The following HYAL3 variants were observed in gnomAD, a reference collection of about 807,000 sequenced individuals.
HYAL3 encodes hyaluronidase 3, also known as hyaluronidase-3.
HYAL3 carries 25 observed loss-of-function variants against 29.6 expected under a neutral mutation model. The ratio of observed to expected loss-of-function variants is 0.85; its 90% CI spans 0.62 to 1.18. The LOEUF is 1.18. HYAL3 is among the 50% of genes most tolerant of loss of function. The probability of loss-of-function intolerance (pLI) is 0.00; values close to 1 mark genes in which losing one functional copy is unlikely to be tolerated. For missense variants in HYAL3, 442 were observed against 548.4 expected (o/e 0.81, Z 1.94); for synonymous variants, 215 against 218.3 (o/e 0.99, Z 0.13).
chr3:50,296,888 C>T (rs1391162709), intron 1 of HYAL3: 2 of 1,607,130 alleles, frequency 1.2e-6, no homozygotes, highest in African/African-American at 1.3e-5. Flanking sequence ...CCTGCACAGG[C>T]TCACCCAGCT....
rs879982140 is a variant in HYAL3, at chr3:50,292,971, G to A, written c.*275C>T. ...TCTCCATGGGCTTAGTGAGGTGTAG[G>A]CACAAAGCCCTAGGCTGGCAGCCCT... On this transcript the variant is annotated 3_prime_UTR_variant, in exon 4 of 4. Transcript: ENST00000336307. 1.9e-6 allele frequency: 3 copies of A among 1,547,970 alleles called. No homozygotes were observed. The highest frequency in any genetic ancestry group is 2.6e-6 in the Non-Finnish European group (3 of 1,147,162).
Position 50,292,939 on chromosome 3 carries a change from T to G in HYAL3, c.*307A>C. 6.5e-7 allele frequency: 1 copy of G among 1,527,070 alleles called. No homozygotes were observed. The highest frequency in any genetic ancestry group is 1.1e-5 in the South Asian group (1 of 89,632). The allele number at this position is 1,527,070 out of a possible 1,614,324, so 94.6% of individuals were successfully genotyped here. The stretch of plus-strand genomic sequence containing the variant: ...CCCATCTGCCCGTGCACGGCCCATC[T>G]GTGACCTCTCCATGGGCTTAGTGAG... On this transcript the variant is annotated 3_prime_UTR_variant, in exon 4 of 4. Coordinates refer to ENST00000336307, the MANE Select transcript of HYAL3 (RefSeq NM_003549.4).
rs1453845539 is a variant in HYAL3, at chr3:50,295,716, C to T, written c.-17-97G>A. 7 of 1,074,048 alleles carry T rather than the reference C, an allele frequency of 6.5e-6. No individual in the cohort carries two copies. In the African/African-American group the frequency reaches 9.5e-5, roughly 15 times the overall value. The allele number at this position is 1,074,048 out of a possible 1,614,324, so 66.5% of individuals were successfully genotyped here. A position where few individuals can be genotyped will look rare whatever the true frequency, so the allele number is the denominator to read the frequency against. The stretch of plus-strand genomic sequence containing the variant: ...CAGGAAAGCTCCCCCAGCTCCTCCC[C>T]ATCCTTACAGGAGGAGCTGGGGAAA... On this transcript the variant is annotated intron_variant, in intron 1 of 3. Transcript: ENST00000336307.
chr3:50,298,873 C>T (rs1434525195), intron 1 of HYAL3: 4 of 1,300,020 alleles, frequency 3.1e-6, no homozygotes, highest in Non-Finnish European at 3.9e-6. Context: ...AGGGAGGAAG[C>T]CCCAGGATCC....
chr3:50,295,416 G>A lies in HYAL3; in HGVS notation c.187C>T (p.Gln63Ter), dbSNP rs1677252916. 1 of 1,614,198 alleles carries A rather than the reference G, an allele frequency of 6.2e-7. No homozygotes were observed. Among genetic ancestry groups the A allele is most frequent in the Non-Finnish European group, 8.5e-7 (1 of 1,180,022 alleles). Residue 63 changes from glutamine to a stop codon, truncating the protein, a stop_gained, in exon 2 of 4, where the codon CAG becomes TAG. Coordinates refer to ENST00000336307, the MANE Select transcript of HYAL3 (RefSeq NM_003549.4). LOFTEE classifies it high-confidence loss of function. ...NALGIIANRG[Q>*]HFHGQNMTIF... is the part of the protein sequence containing the mutation. The stretch of plus-strand genomic sequence containing the variant: ...GTCATGTTCTGACCGTGAAAATGCT[G>A]GCCACGGTTGGCTATGATGCCCAGA...
intron 1 of HYAL3, among the ~76,000 whole-genome samples, chr3:50,298,496 G>A (rs587667883): frequency 1.3e-5 from 2 of 151,132 alleles, no homozygotes; most frequent in South Asian, 2.1e-4. Flanking sequence ...CTTGAGTTTC[G>A]CAGGCACCCT....
chr3:50,293,831 T>G, intron 2 of HYAL3, 110 bp from the exon 3 acceptor site: 18 of 962,082 alleles, frequency 1.9e-5, no homozygotes, highest in Non-Finnish European at 2.8e-5. Context: ...ATTCTAACTC[T>G]ACAGTAGGGA....
intron 1 of HYAL3, chr3:50,296,497 C>G: frequency 1.5e-6 from 2 of 1,335,902 alleles, no homozygotes; most frequent in Non-Finnish European, 2.1e-6. Context: ...CAGGTTAAAG[C>G]TGCCCCCCAG....
At chr3:50,296,109 C>G (rs1262999599) in intron 1 of HYAL3, among the ~76,000 whole-genome samples, 2 of 152,208 alleles carry the variant, frequency 1.3e-5, no homozygotes, top group Non-Finnish European at 2.9e-5. Context: ...CTGTACCTCC[C>G]CTGTGCCACA....
chr3:50,296,357 T>G, intron 1 of HYAL3: 1 of 523,716 alleles, frequency 1.9e-6, no homozygotes, highest in South Asian at 2.6e-5. Flanking sequence ...GCAGAAGAGG[T>G]GAGAGGTGAG....
chr3:50,296,679 G>A (rs1553711208), intron 1 of HYAL3: 7 of 1,613,848 alleles, frequency 4.3e-6, no homozygotes, highest in Non-Finnish European at 5.9e-6. Context: ...GCTTTTTGAA[G>A]GGGGCCCTGA....
rs781944421 is a variant in HYAL3 at position 50,293,200 on chromosome 3, A to G, written c.*46T>C. On this transcript the variant is annotated 3_prime_UTR_variant, in exon 4 of 4. Transcript: ENST00000336307. ...GGGACAGAGTAGTTCCAGGACTGGA[A>G]AAGTGGCAGCAGGGAAAAGAAGAGG... is the stretch of plus-strand genomic sequence containing the variant. 9 of 1,612,322 alleles carry G rather than the reference A, an allele frequency of 5.6e-6. No homozygotes were observed. In the Admixed American group the frequency reaches 6.7e-5, roughly 12 times the overall value.
rs782607927 is a variant in HYAL3, at chr3:50,295,492, T to C, written c.111A>G (p.Val37=). The C allele has an allele frequency of 1.2e-6, 2 of 1,610,378 alleles. No homozygotes were observed. The highest frequency in any genetic ancestry group is 2.2e-5 in the South Asian group (2 of 90,946). The change falls in exon 2 of 4, where the codon GTA becomes GTG. Residue 37 remains valine (V), a synonymous_variant. Coordinates refer to ENST00000336307, the MANE Select transcript of HYAL3 (RefSeq NM_003549.4). The part of the protein sequence containing the change: ...PERPFSVLWN[V]PSAHCEARFG... ...AGCGGGCCTCACAGTGTGCTGAGGG[T>C]ACATTCCACAGCACAGAGAAGGGGC...
In HYAL3 at chr3:50,293,207, C is replaced by T; in HGVS notation, c.*39G>A. 1 of 1,612,732 alleles carries T rather than the reference C, an allele frequency of 6.2e-7. No homozygotes were observed. Among genetic ancestry groups the T allele is most frequent in the Non-Finnish European group, 8.5e-7 (1 of 1,179,836 alleles). ...AGTAGTTCCAGGACTGGAAAAGTGG[C>T]AGCAGGGAAAAGAAGAGGCAGTGGC... On this transcript the variant is annotated 3_prime_UTR_variant, in exon 4 of 4. Coordinates refer to ENST00000336307, the MANE Select transcript of HYAL3 (RefSeq NM_003549.4).
chr3:50,295,324 C>T lies in HYAL3; in HGVS notation c.279G>A (p.Gly93=), dbSNP rs140293165. 1.0e-3 allele frequency: 1,688 copies of T among 1,614,180 alleles called. 14 individuals carry two copies. In the African/African-American group the frequency reaches 0.02, roughly 19 times the overall value. ...CAAGGGGCAAAGCCTGGGGGATGCC[C>T]CCATTGTGAGCTGTGCCCCTGGGTC... The part of the protein sequence containing the change: ...YFGPRGTAHN[G]GIPQALPLDR... The change falls in exon 2 of 4, where the codon GGG becomes GGA. Residue 93 remains glycine (G), a synonymous_variant. Coordinates refer to ENST00000336307, the MANE Select transcript of HYAL3 (RefSeq NM_003549.4).
chr3:50,297,188 G>C lies in HYAL3; in HGVS notation c.-17-1569C>G. 6.2e-7 allele frequency: 1 copy of C among 1,612,168 alleles called. No homozygotes were observed. Among genetic ancestry groups the C allele is most frequent in the Non-Finnish European group, 8.5e-7 (1 of 1,178,942 alleles). ...AGGCATCTGAGGACTGGCCCAGGGAGTGCAGGCGGGAGGTGCGGCTGCGGG... is the reference window on the plus strand; with the variant it reads ...AGGCATCTGAGGACTGGCCCAGGGACTGCAGGCGGGAGGTGCGGCTGCGGG... On this transcript the variant is annotated intron_variant, in intron 1 of 3. Coordinates refer to ENST00000336307, the MANE Select transcript of HYAL3 (RefSeq NM_003549.4). The surrounding 1 kb of genome is among the most constrained non-coding windows in gnomAD (Gnocchi z 4.3).
Position 50,295,208 on chromosome 3 carries a change from C to T in HYAL3, c.395G>A (p.Cys132Tyr). 7 of 1,613,518 alleles carry T rather than the reference C, an allele frequency of 4.3e-6. No individual in the cohort carries two copies. Among genetic ancestry groups the T allele is most frequent in the Non-Finnish European group, 5.9e-6 (7 of 1,180,024 alleles). The change falls in exon 2 of 4, where the codon TGT becomes TAT. Residue 132 changes from cysteine (C) to tyrosine (Y), a missense_variant. By Grantham distance (194) the Cys-to-Tyr change is radical (BLOSUM62 -2). Transcript: ENST00000336307. ...GCCCCAGTTCCCAGCCCAGAGTGGA[C>T]ACCACTCCTCCCAATCCAGCACTGC... is the stretch of plus-strand genomic sequence containing the variant. ...GPAVLDWEEW[C>Y]PLWAGNWGRR...
chr3:50,296,556 G>A (rs782360508), intron 1 of HYAL3: 41 of 1,583,890 alleles, frequency 2.6e-5, no homozygotes, highest in South Asian at 1.0e-4. Context: ...GTAGACTGTC[G>A]GGGCAGTCTA....
In HYAL3 at chr3:50,299,296, G is replaced by A. The variant is rs1702018686; in HGVS notation, c.-101C>T. 3.1e-6 allele frequency: 5 copies of A among 1,611,814 alleles called. No homozygotes were observed. Among genetic ancestry groups the A allele is most frequent in the African/African-American group, 2.7e-5 (2 of 74,908 alleles). On this transcript the variant is annotated 5_prime_UTR_variant, in exon 1 of 4. Coordinates refer to ENST00000336307, the MANE Select transcript of HYAL3 (RefSeq NM_003549.4). ...ACTCAGTCGCCACCTCGGACTCCTC[G>A]GTCCGACAACGTTGGCCCCCAGCGG...
Sources: gnomAD v4.1 joint callset for allele counts (sites outside exome capture counted in the v4.1 genomes callset) on GRCh38, gnomAD v4.1.1 for gene constraint, Gnocchi (gnomAD v3.1) non-coding constraint, MANE v1.5 for transcripts, NCBI Gene and HGNC (gene_info 2026-07-23, HGNC 2026-07-21) for gene names.